Variants in ADARB2 observed in about 807,000 individuals in gnomAD.
ADARB2 encodes inactive double-stranded RNA-specific editase B2.
In ADARB2, 25 loss-of-function variants were observed where a neutral mutation model predicts 62.2. The observed-to-expected ratio is 0.40, with a 90% CI of 0.29 to 0.56. The LOEUF is 0.56. Ranked by LOEUF, ADARB2 falls within the 20% of genes least tolerant of loss-of-function variation. The pLI is 0.43. For synonymous variants in ADARB2, 572 were observed against 500.8 expected, an observed-to-expected ratio of 1.14 and a Z score of -1.90; for missense variants, 1,071 against 1,077.4, an observed-to-expected ratio of 0.99 and a Z score of 0.08.
chr10:1,304,674 A>C (rs1225310070), intron 3 of ADARB2, among the ~76,000 whole-genome samples: 4 of 149,782 alleles, frequency 2.7e-5, no homozygotes, highest in South Asian at 2.1e-4. Context: ...ATAACAAACT[A>C]TCTCTCAGAC....
chr10:1,537,036 T>C (rs1832342046), intron 1 of ADARB2, among the ~76,000 whole-genome samples: 1 of 152,066 alleles, frequency 6.6e-6, no homozygotes, highest in Admixed American at 6.5e-5. Flanking sequence ...GCCTACAGAA[T>C]GGGAGAAAAA....
chr10:1,410,591 G>A (rs17293817), intron 1 of ADARB2, among the ~76,000 whole-genome samples: 42,264 of 152,054 alleles, frequency 0.28, 6,619 homozygotes, highest in Non-Finnish European at 0.35. Context: ...ATATTACGAC[G>A]TTAAAAGGAG....
chr10:1,693,554 C>T (rs924978732), intron 1 of ADARB2, among the ~76,000 whole-genome samples: 4 of 152,294 alleles, frequency 2.6e-5, no homozygotes, highest in Admixed American at 2.6e-4. Flanking sequence ...TTCAAAACGA[C>T]CTGTGATATT....
At chr10:1,545,919 G>T (rs4880863) in intron 1 of ADARB2, among the ~76,000 whole-genome samples, 45,722 of 151,982 alleles carry the variant, frequency 0.3, 7,884 homozygotes, top group East Asian at 0.6. Context: ...TTTTTGAAAT[G>T]AACAGAGAAA....
chr10:1,228,248 C>T (rs556879243), intron 6 of ADARB2, among the ~76,000 whole-genome samples: 1 of 152,148 alleles, frequency 6.6e-6, no homozygotes, highest in East Asian at 1.9e-4. Context: ...AGAATTTAAG[C>T]TGCTAAGTTC....
At chr10:1,463,255 G>A (rs370020516) in intron 1 of ADARB2, among the ~76,000 whole-genome samples, 40 of 152,306 alleles carry the variant, frequency 2.6e-4, no homozygotes, top group Non-Finnish European at 4.7e-4. Flanking sequence ...TCTCTGGGGC[G>A]TTCACAGCAT....
chr10:1,232,460 A>G (rs2892269), intron 6 of ADARB2, among the ~76,000 whole-genome samples: 110,492 of 150,012 alleles, frequency 0.74, 40,900 homozygotes, highest in East Asian at 0.99. Flanking sequence ...GTATGCATGT[A>G]TGGCATATAT....
At chr10:1,543,213 G>A (rs996745992) in intron 1 of ADARB2, among the ~76,000 whole-genome samples, 1 of 152,198 alleles carries the variant, frequency 6.6e-6, no homozygotes, top group Non-Finnish European at 1.5e-5. Context: ...AGCAGAAGCC[G>A]GGCGTCCTGC....
At chr10:1,697,609 T>C (rs566171609) in intron 1 of ADARB2, among the ~76,000 whole-genome samples, 5 of 152,274 alleles carry the variant, frequency 3.3e-5, no homozygotes, top group East Asian at 3.9e-4. Context: ...TAATGAGAAA[T>C]TGGCTGCTTT....
intron 1 of ADARB2, among the ~76,000 whole-genome samples, chr10:1,703,638 A>G (rs1039563812): frequency 1.3e-5 from 2 of 152,240 alleles, no homozygotes; most frequent in African/African-American, 4.8e-5. Context: ...GCTGTTTAGC[A>G]TAATAATCTT....
At chr10:1,719,007 C>G (rs1333168003) in intron 1 of ADARB2, among the ~76,000 whole-genome samples, 1 of 151,930 alleles carries the variant, frequency 6.6e-6, no homozygotes, top group Non-Finnish European at 1.5e-5. Context: ...TTTGAGACGG[C>G]TGGAGTGCAG....
intron 1 of ADARB2, among the ~76,000 whole-genome samples, chr10:1,684,126 T>G (rs983135735): frequency 1.3e-5 from 2 of 152,234 alleles, no homozygotes; most frequent in African/African-American, 4.8e-5. Flanking sequence ...GGAGTGATCC[T>G]TCAAAGCACA....
At chr10:1,225,760 G>GAGTT (rs1472821240) in intron 6 of ADARB2, among the ~76,000 whole-genome samples, 1 of 151,052 alleles carries the variant, frequency 6.6e-6, no homozygotes, top group African/African-American at 2.4e-5. Context: ...CTGGCTTGTA[G>GAGTT]AGTTTCTGCC....
chr10:1,206,701 C>T (rs895636185), intron 7 of ADARB2, among the ~76,000 whole-genome samples: 2 of 152,194 alleles, frequency 1.3e-5, no homozygotes, highest in African/African-American at 4.8e-5. Flanking sequence ...CCTGCGCCTC[C>T]GTCTCTGCGT....
rs1378366577 is a variant in ADARB2 at position 1,515,892 on chromosome 10, T to C, written c.101-136732A>G. 3.9e-5 allele frequency among the ~76,000 whole-genome samples: 6 copies of C among 152,382 alleles called. 1 individual carries two copies. In the South Asian group the frequency reaches 1.2e-3, roughly 32 times the overall value. ...CTTTGTGAGATTTAAGGAAAGCCTATGTGACAGTGCCACTATCACCTCTCC... is the reference window on the plus strand; with the variant it reads ...CTTTGTGAGATTTAAGGAAAGCCTACGTGACAGTGCCACTATCACCTCTCC... On this transcript the variant is annotated intron_variant, in intron 1 of 9. Coordinates refer to ENST00000381312, the MANE Select transcript of ADARB2 (RefSeq NM_018702.4).
intron 3 of ADARB2, among the ~76,000 whole-genome samples, chr10:1,358,692 CTG>C (rs1374821280): frequency 2.0e-5 from 3 of 151,902 alleles, no homozygotes; most frequent in African/African-American, 7.3e-5. Flanking sequence ...ATTCAAGGAA[CTG>C]TTTCTGAAGG....
rs79199135 is a variant in ADARB2 at position 1,722,401 on chromosome 10, C to T, written c.100+14650G>A. 1.3e-3 allele frequency among the ~76,000 whole-genome samples: 192 copies of T among 152,332 alleles called. 1 individual carries two copies. Among genetic ancestry groups the T allele is most frequent in the African/African-American group, 4.5e-3 (188 of 41,564 alleles). ...CAGCACTGACTCTGAATCAGTTAAT[C>T]TAAGAAGTGACTTCTTGTTTATGCA... On this transcript the variant is annotated intron_variant, in intron 1 of 9. Transcript: ENST00000381312.
chr10:1,634,113 G>T (rs1413420982), intron 1 of ADARB2, among the ~76,000 whole-genome samples: 1 of 152,056 alleles, frequency 6.6e-6, no homozygotes, highest in Non-Finnish European at 1.5e-5. Flanking sequence ...CTCTGCGCCT[G>T]TCCCCACGGG....
rs534049137 is a variant in ADARB2 at position 1,543,964 on chromosome 10, A to G, written c.101-164804T>C. Among the ~76,000 whole-genome samples the G allele has an allele frequency of 3.3e-5, 5 of 150,386 alleles. No homozygotes were observed. The South Asian group carries it at 1.1e-3, about 32-fold the overall frequency. ...TTAACATGTTTGTGATGGTCCACAG[A>G]TAGCTCTTACTGAAAGCGAGAATGG... is the stretch of plus-strand genomic sequence containing the variant. On this transcript the variant is annotated intron_variant, in intron 1 of 9. Transcript: ENST00000381312.
Sources: allele counts gnomAD v4.1 joint callset (sites outside exome capture counted in the v4.1 genomes callset), GRCh38; gene constraint gnomAD v4.1.1; transcripts MANE v1.5; gene names NCBI Gene and HGNC (gene_info 2026-07-23, HGNC 2026-07-21).